The following MXI1 variants were observed in gnomAD, a reference collection of about 807,000 sequenced individuals.
The protein encoded by MXI1 is max-interacting protein 1.
Under a neutral mutation model 36.9 loss-of-function variants are expected in MXI1, and 18 were observed. The ratio of observed to expected loss-of-function variants is 0.49; its 90% CI spans 0.34 to 0.72. The LOEUF (loss-of-function observed/expected upper bound fraction) is 0.72, where lower values mean the gene tolerates loss of function less well. Among genes scored for constraint, MXI1 ranks in the 30% least tolerant of loss-of-function variants. MXI1 has a pLI of 0.01. For synonymous variants in MXI1, 160 were observed against 146.7 expected, an observed-to-expected ratio of 1.09 and a Z score of -0.65; for missense variants, 304 against 379.1, an observed-to-expected ratio of 0.80 and a Z score of 1.64.
intron 3 of MXI1, among the ~76,000 whole-genome samples, chr10:110,255,590 G>C (rs547598440): frequency 6.6e-6 from 1 of 152,094 alleles, no homozygotes; most frequent in African/African-American, 2.4e-5. Flanking sequence ...AAAATACCTA[G>C]GAATAAATGT....
chr10:110,273,700 G>A (rs1053121014), intron 3 of MXI1, among the ~76,000 whole-genome samples: 3 of 152,284 alleles, frequency 2.0e-5, no homozygotes, highest in Middle Eastern at 3.4e-3. Flanking sequence ...AGTTCATTAC[G>A]TAACATTCAG....
intron 1 of MXI1, 99 bp downstream of exon 1, chr10:110,208,181 C>T: frequency 9.5e-6 from 12 of 1,261,750 alleles, no homozygotes; most frequent in Non-Finnish European, 1.2e-5. Flanking sequence ...CCCCCCCCGC[C>T]CAACATACAC....
chr10:110,225,995 TAAAC>T (rs1288363813), intron 1 of MXI1: 92 of 981,416 alleles, frequency 9.4e-5, no homozygotes, highest in Non-Finnish European at 1.1e-4. Flanking sequence ...CGGGGAGAGG[TAAAC>T]AAACCACGCG....
At chr10:110,242,374 A>G (rs575309573) in intron 2 of MXI1, among the ~76,000 whole-genome samples, 1 of 152,152 alleles carries the variant, frequency 6.6e-6, no homozygotes, top group African/African-American at 2.4e-5. Context: ...CACTGAAGGT[A>G]CTCAGTATTT....
intron 3 of MXI1, among the ~76,000 whole-genome samples, chr10:110,278,482 T>C (rs899128262): frequency 6.6e-6 from 1 of 152,174 alleles, no homozygotes; most frequent in Admixed American, 6.5e-5. Context: ...GATTATTTTA[T>C]GGGTTATTTC....
At chr10:110,226,722 A>G (rs1460261761) in intron 1 of MXI1, among the ~76,000 whole-genome samples, 3 of 4,802 alleles carry the variant, frequency 6.2e-4, no homozygotes, top group African/African-American at 1.3e-3. Flanking sequence ...TGGGAGGGGC[A>G]TGTGGGGAAG....
intron 1 of MXI1, among the ~76,000 whole-genome samples, chr10:110,227,149 A>AGAGGGGCACGCGCGTGTGTGGG (rs1461561729): frequency 1.7e-4 from 5 of 29,448 alleles, no homozygotes; most frequent in African/African-American, 7.0e-4. Flanking sequence ...GCGTGTGAGG[A>AGAGGGGCACGCGCGTGTGTGGG]GAGGGGCACG....
At chr10:110,216,002 G>T (rs1020522796) in intron 1 of MXI1, among the ~76,000 whole-genome samples, 1 of 152,222 alleles carries the variant, frequency 6.6e-6, no homozygotes, top group Non-Finnish European at 1.5e-5. Flanking sequence ...CATTGTACCC[G>T]AGTGGCCTGG....
intron 3 of MXI1, among the ~76,000 whole-genome samples, chr10:110,251,137 G>T (rs1856069568): frequency 6.7e-6 from 1 of 149,498 alleles, no homozygotes; most frequent in Non-Finnish European, 1.5e-5. Context: ...AGTTCTTACT[G>T]TGTTCCTCCA....
At chr10:110,265,286 C>T in intron 3 of MXI1, among the ~76,000 whole-genome samples, 1 of 152,184 alleles carries the variant, frequency 6.6e-6, no homozygotes, top group East Asian at 1.9e-4. Flanking sequence ...ACCCTTTGCA[C>T]TTTAGATGAC....
At chr10:110,229,420 A>C (rs1855180933) in intron 2 of MXI1, among the ~76,000 whole-genome samples, 1 of 152,156 alleles carries the variant, frequency 6.6e-6, no homozygotes, top group Non-Finnish European at 1.5e-5. Flanking sequence ...ATTGGGTCAG[A>C]ATGGGGCTCT....
chr10:110,231,252 T>C (rs919978235), intron 2 of MXI1, among the ~76,000 whole-genome samples: 30 of 151,898 alleles, frequency 2.0e-4, no homozygotes, highest in African/African-American at 7.3e-4. Flanking sequence ...CTGTAATCTC[T>C]GCTACTTGGG....
intron 1 of MXI1, chr10:110,208,419 CCTTT>C (rs1854416433): frequency 6.3e-6 from 1 of 159,638 alleles, no homozygotes; most frequent in African/African-American, 2.5e-5. Flanking sequence ...CGCTTTTCTT[CCTTT>C]TTTTTTTTTT....
rs201906236 is a variant in MXI1 at position 110,207,891 on chromosome 10, C to G, written c.83C>G (p.Pro28Arg). The G allele has an allele frequency of 1.5e-3, 2,024 of 1,365,504 alleles. 42 individuals carry two copies. In the East Asian group the frequency reaches 0.037, roughly 25 times the overall value. 84.6% of individuals were successfully genotyped at this position (1,365,504 alleles called of 1,614,324 possible). The change falls in exon 1 of 6, where the codon CCC becomes CGC. Residue 28 changes from proline to arginine, a missense_variant. Around this residue, in one of 2 missense-constraint regions of MXI1, gnomAD observed 179 missense variants for 184.8 expected, o/e 0.97. Transcript: ENST00000332674. ...LAPAAPPAVPPAVAAPQPPAL... is the reference protein window; with the variant it reads ...LAPAAPPAVPRAVAAPQPPAL... Reference sequence around the variant, plus strand: ...CCCGCCGCGCCCCCGGCTGTGCCCCCCGCCGTGGCCGCGCCCCAGCCCCCG... The same window carrying G: ...CCCGCCGCGCCCCCGGCTGTGCCCCGCGCCGTGGCCGCGCCCCAGCCCCCG...
chr10:110,283,391 G>A (rs1857328237), intron 5 of MXI1, among the ~76,000 whole-genome samples: 1 of 151,858 alleles, frequency 6.6e-6, no homozygotes, highest in Non-Finnish European at 1.5e-5. Context: ...AGCCTCCCAA[G>A]TAGCTGGGAC....
At chr10:110,284,336 T>C (rs1367479468) in intron 5 of MXI1, among the ~76,000 whole-genome samples, 1 of 152,178 alleles carries the variant, frequency 6.6e-6, no homozygotes, top group African/African-American at 2.4e-5. Context: ...TGATGAATCC[T>C]AGAAGTCTGT....
chr10:110,226,706 T>G (rs191134779), intron 1 of MXI1, among the ~76,000 whole-genome samples: 11 of 6,788 alleles, frequency 1.6e-3, no homozygotes, highest in African/African-American at 7.1e-3. Flanking sequence ...GGGAGCGCGC[T>G]TGTGATGGGA....
chr10:110,239,367 T>C (rs1008951274), intron 2 of MXI1, among the ~76,000 whole-genome samples: 2 of 152,208 alleles, frequency 1.3e-5, no homozygotes, highest in Non-Finnish European at 2.9e-5. Flanking sequence ...GGATCATTGA[T>C]TTTGGACACT....
chr10:110,255,887 T>C (rs549655809), intron 3 of MXI1, among the ~76,000 whole-genome samples: 13 of 152,270 alleles, frequency 8.5e-5, no homozygotes, highest in Non-Finnish European at 1.5e-4. Context: ...AGAATAAAGT[T>C]GGAGAGCTTG....
Sources: gnomAD v4.1 joint callset for allele counts (sites outside exome capture counted in the v4.1 genomes callset) on GRCh38, gnomAD v4.1.1 for gene constraint, gnomAD v4.1.1 regional missense constraint, MANE v1.5 for transcripts, NCBI Gene and HGNC (gene_info 2026-07-23, HGNC 2026-07-21) for gene names.